Variants in NYAP2 observed in about 807,000 individuals in gnomAD.
The protein encoded by NYAP2 is neuronal tyrosine-phosphorylated phosphoinositide-3-kinase adaptor 2, also known as neuronal tyrosine-phosphorylated phosphoinositide-3-kinase adapter 2.
NYAP2 carries 23 observed loss-of-function variants against 50.4 expected under a neutral mutation model. The observed-to-expected ratio is 0.46, with a 90% confidence interval of 0.33 to 0.65. NYAP2 has a LOEUF of 0.65. NYAP2 is among the 30% of genes least tolerant of loss of function. The pLI, the probability that NYAP2 is intolerant of heterozygous loss-of-function variation, is 0.02. For missense variants in NYAP2, 885 were observed against 861.0 expected (o/e 1.03, Z -0.35); for synonymous variants, 394 against 365.2 (o/e 1.08, Z -0.90).
the NYAP2 span, among the ~76,000 whole-genome samples, chr2:225,689,216 A>G: frequency 1.3e-5 from 2 of 152,176 alleles, no homozygotes; most frequent in Non-Finnish European, 2.9e-5. Flanking sequence ...TATAGATTGA[A>G]GCATTAGGTG....
At chr2:225,476,775 C>G (rs945686614) in intron 3 of NYAP2, among the ~76,000 whole-genome samples, 2 of 152,032 alleles carry the variant, frequency 1.3e-5, no homozygotes, top group Non-Finnish European at 2.9e-5. Context: ...ATATGCCATA[C>G]AGATACAATA....
At chr2:225,693,983 T>C in the NYAP2 span, among the ~76,000 whole-genome samples, 9 of 152,088 alleles carry the variant, frequency 5.9e-5, no homozygotes, top group Non-Finnish European at 1.2e-4. Flanking sequence ...ATGGACTTAT[T>C]ATCCAAGGAT....
At chr2:225,510,857 G>A (rs1355295751) in intron 3 of NYAP2, among the ~76,000 whole-genome samples, 2 of 152,112 alleles carry the variant, frequency 1.3e-5, no homozygotes, top group East Asian at 1.9e-4. Flanking sequence ...GTTGTTGTAT[G>A]CTGTTAAAAA....
At chr2:225,543,502 T>C (rs75519205) in intron 4 of NYAP2, among the ~76,000 whole-genome samples, 2 of 152,106 alleles carry the variant, frequency 1.3e-5, no homozygotes, top group Non-Finnish European at 2.9e-5. Context: ...CTTAATTTCT[T>C]CTTGGACCCA....
At chr2:225,645,223 A>G (rs1693609072) in intron 6 of NYAP2, among the ~76,000 whole-genome samples, 2 of 148,252 alleles carry the variant, frequency 1.3e-5, no homozygotes, top group East Asian at 2.0e-4. Flanking sequence ...ACGTCACTGC[A>G]CTCCAGCCTG....
chr2:225,544,130 G>A (rs140283649), intron 4 of NYAP2, among the ~76,000 whole-genome samples: 1,692 of 151,538 alleles, frequency 0.011, 27 homozygotes, highest in African/African-American at 0.038. Flanking sequence ...GTTTCCATTG[G>A]CATGGAATAT....
At chr2:225,489,636 T>C (rs941256009) in intron 3 of NYAP2, among the ~76,000 whole-genome samples, 1 of 152,216 alleles carries the variant, frequency 6.6e-6, no homozygotes, top group African/African-American at 2.4e-5. Flanking sequence ...TTTTGCCATA[T>C]TCTGAAATAC....
At chr2:225,451,290 T>G (rs1424561743) in intron 3 of NYAP2, among the ~76,000 whole-genome samples, 1 of 152,158 alleles carries the variant, frequency 6.6e-6, no homozygotes, top group African/African-American at 2.4e-5. Flanking sequence ...ATGTCCACTG[T>G]GAATGGCAAA....
exon 7 of NYAP2, chr2:225,652,509 A>G (rs1693752827): frequency 6.6e-6 from 1 of 152,328 alleles, no homozygotes; most frequent in South Asian, 2.1e-4. Flanking sequence ...ATCACTACAC[A>G]TAAATGTCCT....
At chr2:225,684,301 G>T in the NYAP2 span, among the ~76,000 whole-genome samples, 30 of 152,094 alleles carry the variant, frequency 2.0e-4, no homozygotes, top group African/African-American at 7.2e-4. Flanking sequence ...GCTTCTGTGT[G>T]GAGATCACAA....
intron 2 of NYAP2, among the ~76,000 whole-genome samples, chr2:225,403,055 T>A (rs963593438): frequency 6.6e-6 from 1 of 151,988 alleles, no homozygotes; most frequent in East Asian, 1.9e-4. Flanking sequence ...TCAAATTGGT[T>A]TGAGTACATG....
intron 5 of NYAP2, among the ~76,000 whole-genome samples, chr2:225,600,957 T>C (rs1252284053): frequency 6.6e-6 from 1 of 152,138 alleles, no homozygotes; most frequent in Admixed American, 6.6e-5. Flanking sequence ...ATACATCCAT[T>C]GAAGGATATT....
intron 3 of NYAP2, among the ~76,000 whole-genome samples, chr2:225,420,611 CTT>C (rs11356958): frequency 2.7e-3 from 390 of 142,058 alleles, no homozygotes; most frequent in Middle Eastern, 0.011. Flanking sequence ...CTTTTCTTTT[CTT>C]TTTTTTTTTT....
At chr2:225,569,020 C>A (rs1259969546) in intron 4 of NYAP2, among the ~76,000 whole-genome samples, 5 of 152,066 alleles carry the variant, frequency 3.3e-5, no homozygotes, top group African/African-American at 1.2e-4. Flanking sequence ...TGATGGGGTA[C>A]AGATGTTTAT....
chr2:225,481,220 C>A (rs999336259), intron 3 of NYAP2, among the ~76,000 whole-genome samples: 1 of 152,108 alleles, frequency 6.6e-6, no homozygotes, highest in Admixed American at 6.6e-5. Context: ...AAGAAGCAGT[C>A]AGGTTATCCA....
intron 4 of NYAP2, among the ~76,000 whole-genome samples, chr2:225,560,710 G>A (rs1691855444): frequency 6.6e-6 from 1 of 152,070 alleles, no homozygotes; most frequent in African/African-American, 2.4e-5. Context: ...TTTGTGATGT[G>A]CTCAGAATTT....
At chr2:225,634,203 C>A (rs1482545037) in intron 6 of NYAP2, among the ~76,000 whole-genome samples, 1 of 152,112 alleles carries the variant, frequency 6.6e-6, no homozygotes, top group Non-Finnish European at 1.5e-5. Flanking sequence ...TTCATAGCAC[C>A]CTTGCAAAAT....
At chr2:225,425,306 CTG>C (rs1695270869) in intron 3 of NYAP2, among the ~76,000 whole-genome samples, 1 of 152,044 alleles carries the variant, frequency 6.6e-6, no homozygotes, top group African/African-American at 2.4e-5. Context: ...CTTTTAGTTT[CTG>C]TGTGTGTGAC....
chr2:225,583,800 G>T (rs1692342348), intron 5 of NYAP2, among the ~76,000 whole-genome samples: 9 of 152,158 alleles, frequency 5.9e-5, no homozygotes, highest in Non-Finnish European at 1.5e-5. Context: ...CAGCACTTTG[G>T]GAGGCCGAGG....
Sources: allele counts gnomAD v4.1 joint callset (sites outside exome capture counted in the v4.1 genomes callset), GRCh38; gene constraint gnomAD v4.1.1; transcripts MANE v1.5; gene names NCBI Gene and HGNC (gene_info 2026-07-23, HGNC 2026-07-21).